FKBP5: variants seen among roughly 807,000 people sequenced by gnomAD.
The protein encoded by FKBP5 is FKBP prolyl isomerase 5.
In FKBP5, 23 loss-of-function variants were observed where a neutral mutation model predicts 50.5. The observed-to-expected ratio is 0.46, with a 90% CI of 0.33 to 0.65. The LOEUF is 0.65. Among genes scored for constraint, FKBP5 ranks in the 30% least tolerant of loss-of-function variants. The pLI is 0.02. For synonymous variants in FKBP5, 176 were observed against 190.6 expected, an observed-to-expected ratio of 0.92 and a Z score of 0.63; for missense variants, 411 against 553.1, an observed-to-expected ratio of 0.74 and a Z score of 2.58.
intron 9 of FKBP5, among the ~76,000 whole-genome samples, chr6:35,578,134 T>C (rs976942087): frequency 4.0e-5 from 6 of 151,544 alleles, no homozygotes; most frequent in Admixed American, 3.9e-4. Flanking sequence ...ATTTACATAT[T>C]AAAAAAAACC....
At chr6:35,664,239 C>T (rs1334554096) in intron 1 of FKBP5, among the ~76,000 whole-genome samples, 2 of 151,892 alleles carry the variant, frequency 1.3e-5, no homozygotes, top group African/African-American at 4.8e-5. Context: ...TTTAAATAAT[C>T]AATTAAAATG....
At chr6:35,665,324 T>C (rs1343984240) in intron 1 of FKBP5, among the ~76,000 whole-genome samples, 1 of 150,008 alleles carries the variant, frequency 6.7e-6, no homozygotes. Context: ...AGTCTCACTC[T>C]GTCACCAAGC....
chr6:35,657,028 G>T (rs1443019762), intron 1 of FKBP5, among the ~76,000 whole-genome samples: 18 of 150,402 alleles, frequency 1.2e-4, no homozygotes, highest in Admixed American at 4.0e-4. Context: ...TGTCTAACAC[G>T]GTGAAACCCT....
At chr6:35,654,088 C>CA (rs1240302503) in intron 1 of FKBP5, among the ~76,000 whole-genome samples, 1 of 152,256 alleles carries the variant, frequency 6.6e-6, no homozygotes, top group East Asian at 1.9e-4. Context: ...TGCATATGGT[C>CA]AATTGACAAT....
chr6:35,708,529 A>G (rs903134701), intron 2 of FKBP5, among the ~76,000 whole-genome samples: 4 of 151,884 alleles, frequency 2.6e-5, no homozygotes, highest in African/African-American at 9.7e-5. Flanking sequence ...TGGGATTACA[A>G]GCATGAGCCA....
intron 3 of FKBP5, among the ~76,000 whole-genome samples, chr6:35,634,235 G>T (rs1421594223): frequency 1.3e-5 from 2 of 152,050 alleles, no homozygotes; most frequent in Admixed American, 6.6e-5. Context: ...GAACAAGGGG[G>T]TCTGACAAGG....
intron 1 of FKBP5, among the ~76,000 whole-genome samples, chr6:35,653,383 G>A (rs1244552222): frequency 1.3e-5 from 2 of 151,714 alleles, no homozygotes; most frequent in African/African-American, 2.4e-5. Flanking sequence ...TAGGACTGTA[G>A]AATAGATAGT....
At chr6:35,640,266 C>T (rs909560886) in intron 2 of FKBP5, among the ~76,000 whole-genome samples, 7 of 152,214 alleles carry the variant, frequency 4.6e-5, no homozygotes, top group African/African-American at 1.7e-4. Context: ...TGGCCTACTG[C>T]TCCAAGGCTA....
intron 2 of FKBP5, among the ~76,000 whole-genome samples, chr6:35,695,651 C>T (rs1370728129): frequency 6.6e-6 from 1 of 152,184 alleles, no homozygotes; most frequent in Admixed American, 6.5e-5. Context: ...CAAACAAATT[C>T]AGCAAGGTTG....
In FKBP5 at chr6:35,628,258, T is replaced by C. The variant is rs1764058161; in HGVS notation, c.251-7984A>G. Among the ~76,000 whole-genome samples the C allele has an allele frequency of 2.6e-5, 4 of 152,210 alleles. No homozygotes were observed. In the South Asian group the frequency reaches 8.3e-4, roughly 32 times the overall value. ...AAAGACTGTTCTTTCTCCCACTGAA[T>C]GGTCTTGGCACCCTTGTTGAAAAAT... On this transcript the variant is annotated intron_variant, in intron 3 of 10. Transcript: ENST00000357266.
At chr6:35,626,771 T>A (rs1258195612) in intron 3 of FKBP5, among the ~76,000 whole-genome samples, 1 of 152,226 alleles carries the variant, frequency 6.6e-6, no homozygotes, top group Non-Finnish European at 1.5e-5. Context: ...TCACTTAGTA[T>A]AATGCCCTCA....
At chr6:35,667,646 C>T (rs560939508) in intron 1 of FKBP5, among the ~76,000 whole-genome samples, 3 of 152,248 alleles carry the variant, frequency 2.0e-5, no homozygotes, top group South Asian at 4.1e-4. Context: ...TTTGGGAGGC[C>T]GAGGCAGGTG....
chr6:35,701,993 G>A (rs576938257), intron 2 of FKBP5, among the ~76,000 whole-genome samples: 244 of 152,106 alleles, frequency 1.6e-3, no homozygotes, highest in Non-Finnish European at 2.9e-3. Context: ...GATTACAAGT[G>A]TGCGCCACCA....
intron 3 of FKBP5, among the ~76,000 whole-genome samples, chr6:35,622,974 G>A (rs1033862070): frequency 1.3e-5 from 2 of 152,222 alleles, no homozygotes; most frequent in South Asian, 4.1e-4. Flanking sequence ...CGGGCGTGGT[G>A]GCTCACGCCT....
chr6:35,703,893 T>A (rs374985699), intron 2 of FKBP5, among the ~76,000 whole-genome samples: 112 of 152,196 alleles, frequency 7.4e-4, no homozygotes, highest in South Asian at 1.5e-3. Context: ...GAGGCAGGAG[T>A]GGCTGTGCTA....
At chr6:35,703,706 C>T (rs1037822229) in intron 2 of FKBP5, among the ~76,000 whole-genome samples, 1 of 152,132 alleles carries the variant, frequency 6.6e-6, no homozygotes, top group African/African-American at 2.4e-5. Flanking sequence ...CTCAGATTCC[C>T]AGCCTCCCTT....
At chr6:35,658,355 G>A (rs1320413261) in intron 1 of FKBP5, among the ~76,000 whole-genome samples, 5 of 150,504 alleles carry the variant, frequency 3.3e-5, no homozygotes, top group Non-Finnish European at 5.9e-5. Flanking sequence ...CAGCCTGGGC[G>A]ACTCCGTCTT....
chr6:35,582,927 C>A, intron 8 of FKBP5: 1 of 889,754 alleles, frequency 1.1e-6, no homozygotes, highest in Non-Finnish European at 1.3e-6. Flanking sequence ...AATATGGAAT[C>A]AAGACTTTTT....
At chr6:35,616,228 T>C (rs770431716) in intron 5 of FKBP5, among the ~76,000 whole-genome samples, 1 of 146,248 alleles carries the variant, frequency 6.8e-6, no homozygotes, top group Non-Finnish European at 1.5e-5. Context: ...GACAGGAGAA[T>C]TGCTTGAACC....
Sources: allele counts gnomAD v4.1 joint callset (sites outside exome capture counted in the v4.1 genomes callset), GRCh38; gene constraint gnomAD v4.1.1; transcripts MANE v1.5; gene names NCBI Gene and HGNC (gene_info 2026-07-23, HGNC 2026-07-21).